HPCAL1: variants seen among roughly 807,000 people sequenced by gnomAD.
HPCAL1 encodes hippocalcin like 1.
HPCAL1 carries 8 observed loss-of-function variants against 17.1 expected under a neutral mutation model. The observed-to-expected ratio is 0.47, with a 90% CI of 0.27 to 0.84. The LOEUF (loss-of-function observed/expected upper bound fraction) is 0.84. Ranked by LOEUF, HPCAL1 falls within the 40% of genes least tolerant of loss-of-function variation. The pLI, the probability that HPCAL1 is intolerant of heterozygous loss-of-function variation, is 0.13. For missense variants in HPCAL1, 165 were observed against 271.1 expected, an observed-to-expected ratio of 0.61 and a Z score of 2.75; for synonymous variants, 112 against 111.4, an observed-to-expected ratio of 1.01 and a Z score of -0.03.
intron 2 of HPCAL1, among the ~76,000 whole-genome samples, chr2:10,397,958 C>T (rs552343842): frequency 6.6e-6 from 1 of 152,228 alleles, no homozygotes; most frequent in Non-Finnish European, 1.5e-5. Flanking sequence ...AGGGTCAATG[C>T]GAGATCAGAC....
At chr2:10,385,129 A>G (rs948892728) in intron 1 of HPCAL1, among the ~76,000 whole-genome samples, 8 of 150,584 alleles carry the variant, frequency 5.3e-5, no homozygotes, top group African/African-American at 1.7e-4. Flanking sequence ...GGTGACAGGA[A>G]GACCCCACCA....
At chr2:10,422,299 G>A (rs1342872518) in intron 3 of HPCAL1, among the ~76,000 whole-genome samples, 1 of 152,208 alleles carries the variant, frequency 6.6e-6, no homozygotes, top group Non-Finnish European at 1.5e-5. Context: ...CACGTGGAGT[G>A]CTCAGAAAAT....
chr2:10,386,126 C>G (rs930633670), intron 1 of HPCAL1, among the ~76,000 whole-genome samples: 2 of 152,242 alleles, frequency 1.3e-5, no homozygotes, highest in African/African-American at 4.8e-5. Context: ...ACACCCCAGC[C>G]TAGGTTGCTC....
chr2:10,372,202 G>T (rs911220372), intron 1 of HPCAL1, among the ~76,000 whole-genome samples: 1 of 152,104 alleles, frequency 6.6e-6, no homozygotes, highest in Non-Finnish European at 1.5e-5. Context: ...CAGAAAAATC[G>T]CATCTCCAGG....
Position 10,335,548 on chromosome 2 carries a change from G to A in HPCAL1, c.-111+32371G>A, listed in dbSNP as rs10193132. ...TTGTGAGATAATGTTTGTTGTTTTC[G>A]GCTGCTGACTTTTGGAGGGTCATTT... On this transcript the variant is annotated intron_variant, in intron 1 of 4. Transcript: ENST00000307845. Among the ~76,000 whole-genome samples the A allele has an allele frequency of 5.0e-3, 756 of 152,274 alleles. 6 individuals carry two copies. The highest frequency in any genetic ancestry group is 0.017 in the African/African-American group (703 of 41,528).
rs151012089 is a variant in HPCAL1 at position 10,417,760 on chromosome 2, C to A, written c.-24-1974C>A. On this transcript the variant is annotated intron_variant, in intron 2 of 4. Transcript: ENST00000307845. Reference sequence around the variant, plus strand: ...ATAAAGTCATAAAGATAAGTAAAAACACCTGGCATCTTGGCTCACGGCTGT... The same window carrying A: ...ATAAAGTCATAAAGATAAGTAAAAAAACCTGGCATCTTGGCTCACGGCTGT... Among the ~76,000 whole-genome samples the A allele has an allele frequency of 4.9e-3, 740 of 152,178 alleles. 6 individuals carry two copies. Among genetic ancestry groups the A allele is most frequent in the African/African-American group, 0.017 (691 of 41,496 alleles).
At chr2:10,322,616 A>G (rs957128467) in intron 1 of HPCAL1, among the ~76,000 whole-genome samples, 2 of 152,212 alleles carry the variant, frequency 1.3e-5, no homozygotes, top group Admixed American at 1.3e-4. Context: ...AAGTCCCAAG[A>G]CAGATGATTT....
At chr2:10,399,526 CCACTGCCACCGCCACCAT>C (rs1558518701) in intron 2 of HPCAL1, among the ~76,000 whole-genome samples, 9 of 106,410 alleles carry the variant, frequency 8.5e-5, no homozygotes, top group African/African-American at 4.1e-4. Flanking sequence ...GCCACCACCG[CCACTGCCACCGCCACCAT>C]CACCGCCACC....
chr2:10,316,796 T>C (rs975623670), intron 1 of HPCAL1, among the ~76,000 whole-genome samples: 15 of 152,230 alleles, frequency 9.9e-5, no homozygotes, highest in African/African-American at 3.6e-4. Context: ...GCTTGCTGTT[T>C]CTTGGATTAG....
At chr2:10,378,203 G>A (rs1182884769) in intron 1 of HPCAL1, among the ~76,000 whole-genome samples, 1 of 141,398 alleles carries the variant, frequency 7.1e-6, no homozygotes, top group Non-Finnish European at 1.5e-5. Context: ...CCAAGAAAAA[G>A]TAGAGAAAGG....
At chr2:10,320,241 C>T (rs574038481) in intron 1 of HPCAL1, among the ~76,000 whole-genome samples, 51 of 152,182 alleles carry the variant, frequency 3.4e-4, no homozygotes, top group East Asian at 9.7e-4. Flanking sequence ...GGCCTCCCCA[C>T]GGACATGGAC....
chr2:10,411,445 G>T (rs1280361292), intron 2 of HPCAL1, among the ~76,000 whole-genome samples: 1 of 152,200 alleles, frequency 6.6e-6, no homozygotes, highest in Non-Finnish European at 1.5e-5. Context: ...GTCCTCCCCT[G>T]GATGTGGCCT....
At chr2:10,341,998 GTT>G (rs75605259) in intron 1 of HPCAL1, among the ~76,000 whole-genome samples, 6 of 141,766 alleles carry the variant, frequency 4.2e-5, no homozygotes, top group Admixed American at 1.4e-4. Flanking sequence ...TCTAGATAAA[GTT>G]TTTTTTTTTT....
At chr2:10,390,631 A>C (rs1422853260) in intron 1 of HPCAL1, among the ~76,000 whole-genome samples, 1 of 152,110 alleles carries the variant, frequency 6.6e-6, no homozygotes, top group East Asian at 1.9e-4. Flanking sequence ...AGGAGAGGCC[A>C]CTTCCGGTTT....
intron 1 of HPCAL1, among the ~76,000 whole-genome samples, chr2:10,309,934 T>C (rs960558254): frequency 2.0e-5 from 3 of 151,414 alleles, no homozygotes; most frequent in African/African-American, 7.3e-5. Flanking sequence ...ATGAAAGAAA[T>C]CATGGTGGAA....
At chr2:10,374,639 T>C (rs1011293054) in intron 1 of HPCAL1, among the ~76,000 whole-genome samples, 5 of 152,242 alleles carry the variant, frequency 3.3e-5, no homozygotes, top group African/African-American at 1.2e-4. Context: ...CGGGCGTATT[T>C]AATTCAACTA....
chr2:10,415,528 G>A (rs554072284), intron 2 of HPCAL1, among the ~76,000 whole-genome samples: 9 of 152,088 alleles, frequency 5.9e-5, no homozygotes, highest in Non-Finnish European at 7.4e-5. Context: ...TCTCACCCCC[G>A]TGCTCCCCGT....
chr2:10,376,470 C>T (rs184486380), intron 1 of HPCAL1, among the ~76,000 whole-genome samples: 1 of 150,978 alleles, frequency 6.6e-6, no homozygotes, highest in East Asian at 1.9e-4. Flanking sequence ...GATTGGGTCT[C>T]ACTCACCCAA....
chr2:10,364,001 G>A (rs1014655131), intron 1 of HPCAL1, among the ~76,000 whole-genome samples: 1 of 152,248 alleles, frequency 6.6e-6, no homozygotes, highest in African/African-American at 2.4e-5. Flanking sequence ...AGAGGGAAGG[G>A]CACTGGTCCC....
Sources: gnomAD v4.1 joint callset for allele counts (sites outside exome capture counted in the v4.1 genomes callset) on GRCh38, gnomAD v4.1.1 for gene constraint, MANE v1.5 for transcripts, NCBI Gene and HGNC (gene_info 2026-07-23, HGNC 2026-07-21) for gene names.